The following CASKIN2 variants were observed in gnomAD, a reference collection of about 807,000 sequenced individuals.
CASKIN2 encodes caskin-2.
A neutral mutation model predicts 107.1 loss-of-function variants in CASKIN2; 41 were observed. The observed-to-expected ratio is 0.38, with a 90% confidence interval of 0.30 to 0.50. The LOEUF (loss-of-function observed/expected upper bound fraction) is 0.50. Ranked by LOEUF, CASKIN2 falls within the 20% of genes least tolerant of loss-of-function variation. The pLI is 0.92. For synonymous variants in CASKIN2, 724 were observed against 705.6 expected (o/e 1.03, Z -0.41); for missense variants, 1,546 against 1,657.4 (o/e 0.93, Z 1.17).
Position 75,508,225 on chromosome 17 carries a change from C to A in CASKIN2, c.146+9G>T. 1 of 1,613,804 alleles carries A rather than the reference C, an allele frequency of 6.2e-7. No individual in the cohort carries two copies. Among genetic ancestry groups the A allele is most frequent in the Non-Finnish European group, 8.5e-7 (1 of 1,179,880 alleles). On this transcript the variant is annotated intron_variant, in intron 3 of 19. Coordinates refer to ENST00000321617, the MANE Select transcript of CASKIN2 (RefSeq NM_020753.5). ...GCAGCTCTGCAGAGGGACAGGGGCT[C>A]CCACTCACCCATCAGCATCCTGGTA... is the stretch of plus-strand genomic sequence containing the variant.
rs934906679 is a variant in CASKIN2 at position 75,506,806 on chromosome 17, C to T, written c.479G>A (p.Arg160Gln). The T allele has an allele frequency of 3.7e-6, 6 of 1,613,656 alleles. No individual in the cohort carries two copies. The highest frequency in any genetic ancestry group is 3.3e-5 in the Admixed American group (2 of 59,968). ...TPLDLACEFG[R>Q]LKVAQLLLNS... Reference sequence around the variant, plus strand: ...CAAGGCTGCAGGCCTCACCTTGAGTCGGCCAAATTCACAGGCCAGGTCCAG... The same window carrying T: ...CAAGGCTGCAGGCCTCACCTTGAGTTGGCCAAATTCACAGGCCAGGTCCAG... Residue 160 changes from arginine to glutamine, a missense_variant, in exon 6 of 20, where the codon CGA (arginine) becomes CAA (glutamine). Physicochemically the swap from Arg to Gln is conservative, Grantham distance 43. This residue lies in a region of CASKIN2 where 3 missense variants were observed against 20.8 expected (regional missense o/e 0.14). Transcript: ENST00000321617. The surrounding 1 kb of genome is among the most constrained non-coding windows in gnomAD (Gnocchi z 4.8).
Sources: gnomAD v4.1 joint callset for allele counts on GRCh38, gnomAD v4.1.1 for gene constraint, gnomAD v4.1.1 regional missense constraint, Gnocchi (gnomAD v3.1) non-coding constraint, MANE v1.5 for transcripts, NCBI Gene and HGNC (gene_info 2026-07-23, HGNC 2026-07-21) for gene names.